FARP2: variants seen among roughly 807,000 people sequenced by gnomAD.
FARP2 encodes the protein FERM, ARH/RhoGEF and pleckstrin domain protein 2.
A neutral mutation model predicts 130.5 loss-of-function variants in FARP2; 111 were observed. The observed-to-expected ratio is 0.85, with a 90% CI of 0.73 to 1.00. The LOEUF (loss-of-function observed/expected upper bound fraction) is 1.00. Ranked by LOEUF, FARP2 falls within the 50% of genes least tolerant of loss-of-function variation. FARP2 has a pLI of 0.00. For missense variants in FARP2, 1,385 were observed against 1,346.3 expected (o/e 1.03, Z -0.45); for synonymous variants, 504 against 516.9 (o/e 0.98, Z 0.34).
intron 6 of FARP2, among the ~76,000 whole-genome samples, chr2:241,413,052 T>G (rs2062563111): frequency 6.6e-6 from 1 of 152,130 alleles, no homozygotes; most frequent in Non-Finnish European, 1.5e-5. Context: ...CACATTAAAC[T>G]CATCAATGTT....
chr2:241,446,228 T>TATGTGATTTTTCAAATCACTAGGTATTG (rs2063511462), intron 13 of FARP2: 1 of 152,236 alleles, frequency 6.6e-6, no homozygotes, highest in Non-Finnish European at 1.5e-5. Context: ...GTGCCTTTTT[T>TATGTGATTTTTCAAATCACTAGGTATTG]ATATTACCAA....
At chr2:241,476,134 A>T in intron 19 of FARP2, 147 bp downstream of exon 19, 5 of 576,750 alleles carry the variant, frequency 8.7e-6, no homozygotes, top group Non-Finnish European at 1.1e-5. Context: ...ATACTTTGGG[A>T]GGCTGAGGTG....
chr2:241,444,361 T>G (rs2063463226), intron 13 of FARP2: 1 of 152,196 alleles, frequency 6.6e-6, no homozygotes, highest in Non-Finnish European at 1.5e-5. Flanking sequence ...ATAGATAACA[T>G]TTAAAACGTT....
chr2:241,378,584 TAA>T (rs1024241527), intron 2 of FARP2, among the ~76,000 whole-genome samples: 1 of 151,880 alleles, frequency 6.6e-6, no homozygotes, highest in African/African-American at 2.4e-5. Context: ...GCTAATTTGT[TAA>T]ATTTTTGTAG....
intron 2 of FARP2, among the ~76,000 whole-genome samples, chr2:241,383,506 G>A (rs2061710224): frequency 6.6e-6 from 1 of 152,206 alleles, no homozygotes; most frequent in Non-Finnish European, 1.5e-5. Flanking sequence ...CATGTGGTGG[G>A]AGTGGAGCAG....
intron 17 of FARP2, among the ~76,000 whole-genome samples, chr2:241,467,369 G>A (rs2064197708): frequency 6.6e-6 from 1 of 150,434 alleles, no homozygotes; most frequent in South Asian, 2.1e-4. Flanking sequence ...ATATGGGCCA[G>A]GCATAGTGGT....
At chr2:241,437,646 A>ATT (rs1239524822) in intron 12 of FARP2, among the ~76,000 whole-genome samples, 24 of 137,610 alleles carry the variant, frequency 1.7e-4, no homozygotes, top group East Asian at 1.6e-3. Context: ...ATACATATAT[A>ATT]TATATTTATT....
Position 241,482,734 on chromosome 2 carries a change from C to T in FARP2, c.2263-731C>T, listed in dbSNP as rs139178806. Among the ~76,000 whole-genome samples the T allele has an allele frequency of 1.7e-4, 26 of 152,254 alleles. No homozygotes were observed. In the East Asian group the frequency reaches 2.5e-3, roughly 15 times the overall value. ...ACTAGGAGGCCCCTAGCACATTCTC[C>T]GGACACCTGCTGCTCCTCCTGTTTG... is the stretch of plus-strand genomic sequence containing the variant. On this transcript the variant is annotated intron_variant, in intron 19 of 26. Transcript: ENST00000264042. This position sits in a 1 kb window ranked among gnomAD's most constrained non-coding sequence, Gnocchi z 4.6.
intron 14 of FARP2, among the ~76,000 whole-genome samples, chr2:241,457,425 C>CCCGTGTCGATGTTGGAGA (rs1404242526): frequency 7.6e-5 from 10 of 132,434 alleles, no homozygotes; most frequent in East Asian, 2.1e-4. Flanking sequence ...GGCAGGAGGC[C>CCCGTGTCGATGTTGGAGA]CAGTGTAGAA....
chr2:241,488,804 C>T (rs2064824593), intron 21 of FARP2: 1 of 152,182 alleles, frequency 6.6e-6, no homozygotes, highest in Non-Finnish European at 1.5e-5. Context: ...AAATGGAAGC[C>T]TGTGTCTTTG....
chr2:241,383,715 GA>G (rs1193862037), intron 2 of FARP2, among the ~76,000 whole-genome samples: 13 of 152,042 alleles, frequency 8.6e-5, no homozygotes, highest in African/African-American at 2.9e-4. Context: ...TTTGAAGGTG[GA>G]GCCTGCAGAA....
Position 241,369,998 on chromosome 2 carries a change from A to G in FARP2, c.-24-3086A>G, listed in dbSNP as rs556139435. Among the ~76,000 whole-genome samples the G allele has an allele frequency of 6.4e-4, 97 of 152,324 alleles. 1 individual carries two copies. The highest frequency in any genetic ancestry group is 2.2e-3 in the African/African-American group (92 of 41,578). On this transcript the variant is annotated intron_variant, in intron 1 of 26. Coordinates refer to ENST00000264042, the MANE Select transcript of FARP2 (RefSeq NM_014808.4). ...CATATATTCTCACTCATATGTGGGA[A>G]CTGAAAAAAAGTGATGGTTACCAGA...
chr2:241,380,591 G>A (rs1394455595), intron 2 of FARP2, among the ~76,000 whole-genome samples: 1 of 151,856 alleles, frequency 6.6e-6, no homozygotes, highest in Non-Finnish European at 1.5e-5. Flanking sequence ...TCCAAAACCT[G>A]AATTGTTCCA....
intron 5 of FARP2, among the ~76,000 whole-genome samples, chr2:241,408,372 A>C (rs1352356054): frequency 1.4e-5 from 2 of 145,064 alleles, no homozygotes; most frequent in Non-Finnish European, 3.1e-5. Context: ...ACTCCGTCTC[A>C]AAAAAAAAAA....
At chr2:241,361,967 T>C (rs2061197557) in intron 1 of FARP2, among the ~76,000 whole-genome samples, 1 of 152,042 alleles carries the variant, frequency 6.6e-6, no homozygotes, top group South Asian at 2.1e-4. Flanking sequence ...CAATCTTGGC[T>C]CACTGCAACC....
intron 18 of FARP2, among the ~76,000 whole-genome samples, chr2:241,470,712 G>C (rs1487628272): frequency 6.6e-6 from 1 of 151,666 alleles, no homozygotes; most frequent in Non-Finnish European, 1.5e-5. Context: ...ACTCTGAGGG[G>C]ATCTTGGACT....
intron 12 of FARP2, among the ~76,000 whole-genome samples, chr2:241,438,731 G>C (rs551453014): frequency 5.4e-4 from 81 of 149,966 alleles, no homozygotes; most frequent in African/African-American, 1.8e-3. Flanking sequence ...CCGGGTTCAC[G>C]CCATTCTCCT....
At chr2:241,418,583 A>C (rs189298664) in intron 8 of FARP2, among the ~76,000 whole-genome samples, 1 of 152,236 alleles carries the variant, frequency 6.6e-6, no homozygotes, top group Non-Finnish European at 1.5e-5. Context: ...CTAGAATAGA[A>C]TAGAAAATAT....
chr2:241,476,767 T>A (rs1045304178), intron 19 of FARP2, among the ~76,000 whole-genome samples: 1 of 152,154 alleles, frequency 6.6e-6, no homozygotes, highest in Non-Finnish European at 1.5e-5. Flanking sequence ...AAAAAATATA[T>A]AATTGAGTGG....
Sources: allele counts gnomAD v4.1 joint callset (sites outside exome capture counted in the v4.1 genomes callset), GRCh38; gene constraint gnomAD v4.1.1; non-coding constraint Gnocchi (gnomAD v3.1); transcripts MANE v1.5; gene names NCBI Gene and HGNC (gene_info 2026-07-23, HGNC 2026-07-21).